The following SKIDA1 variants were observed in gnomAD, a reference collection of about 807,000 sequenced individuals.
SKIDA1 encodes the protein SKI/DACH domain containing 1, also known as SKI/DACH domain-containing protein 1.
A neutral mutation model predicts 51.4 loss-of-function variants in SKIDA1; 18 were observed. That is an observed-to-expected ratio of 0.35 (90% CI 0.24 to 0.52). SKIDA1 has a LOEUF of 0.52. Ranked by LOEUF, SKIDA1 falls within the 20% of genes least tolerant of loss-of-function variation. The pLI is 0.95. For missense variants in SKIDA1, 1,104 were observed against 1,180.6 expected (o/e 0.94, Z 0.95); for synonymous variants, 579 against 500.5 (o/e 1.16, Z -2.09).
rs1341354006 is a variant in SKIDA1 at position 21,525,604 on chromosome 10, A to T, written c.-2175T>A. On this transcript the variant is annotated 5_prime_UTR_variant, in exon 1 of 4. The change creates a new upstream start codon in the 5' untranslated region. Transcript: ENST00000449193. The stretch of plus-strand genomic sequence containing the variant: ...ATAGTCCTGGTTTGTAGTAGTGTCA[A>T]GAACCGCAGCAAGAGGAAGGGGAGG... 1 of 152,404 alleles carries T rather than the reference A, an allele frequency of 6.6e-6. No individual in the cohort carries two copies. The highest frequency in any genetic ancestry group is 1.5e-5 in the Non-Finnish European group (1 of 68,140). 9.4% of individuals were successfully genotyped at this position (152,404 alleles called of 1,614,324 possible).
intron 2 of SKIDA1, among the ~76,000 whole-genome samples, chr10:21,521,938 C>T (rs1316794917): frequency 6.6e-6 from 1 of 152,148 alleles, no homozygotes; most frequent in African/African-American, 2.4e-5. Flanking sequence ...GCTAGATTTA[C>T]CTTTAGATGC....
Position 21,515,828 on chromosome 10 carries a change from A to G in SKIDA1, c.1995T>C (p.Thr665=). The change falls in exon 4 of 4, where the codon ACT becomes ACC. Residue 665 remains threonine, a synonymous_variant. Transcript: ENST00000449193. The stretch of plus-strand genomic sequence containing the variant: ...TGTCAGTGCAGGGATTCTCGGCTTT[A>G]GTTGCTGCTGCTCCTGCAGCGTTCA... ...PEVNAAGAAA[T]KAENPCTDTG... 1 of 1,614,000 alleles carries G rather than the reference A, an allele frequency of 6.2e-7. No homozygotes were observed. Among genetic ancestry groups the G allele is most frequent in the Non-Finnish European group, 8.5e-7 (1 of 1,179,862 alleles).
Position 21,515,548 on chromosome 10 carries a change from A to G in SKIDA1, c.2275T>C (p.Cys759Arg). 1 of 1,614,028 alleles carries G rather than the reference A, an allele frequency of 6.2e-7. No individual in the cohort carries two copies. The highest frequency in any genetic ancestry group is 8.5e-7 in the Non-Finnish European group (1 of 1,179,900). The change falls in exon 4 of 4, where the codon TGC (cysteine) becomes CGC (arginine). Residue 759 changes from cysteine to arginine, a missense_variant. Cys to Arg is a radical substitution (Grantham distance 180). Transcript: ENST00000449193. ...NPLAQSQGLS[C>R]TLGSPKPEDG... ...TCAGGTTTTGGAGAACCTAAAGTGC[A>G]TGAAAGGCCCTGACTTTGAGCCAGT...
chr10:21,520,663 C>T (rs1277699826), intron 3 of SKIDA1, among the ~76,000 whole-genome samples: 2 of 149,114 alleles, frequency 1.3e-5, no homozygotes, highest in Non-Finnish European at 2.9e-5. Context: ...CTCTCTCTCT[C>T]TCCTAGTCCT....
chr10:21,521,058 G>GCACACACACACACACGCACACACA (rs1554772012), intron 3 of SKIDA1, among the ~76,000 whole-genome samples: 1 of 146,660 alleles, frequency 6.8e-6, no homozygotes, highest in Non-Finnish European at 1.5e-5. Context: ...ATGAGTGCAT[G>GCACACACACACACACGCACACACA]CACACACACA....
In SKIDA1 at chr10:21,514,982, A is replaced by G. The variant is rs1289851615; in HGVS notation, c.*114T>C. 8.1e-7 allele frequency: 1 copy of G among 1,242,154 alleles called. No homozygotes were observed. Among genetic ancestry groups the G allele is most frequent in the Non-Finnish European group, 1.0e-6 (1 of 989,064 alleles). 76.9% of individuals were successfully genotyped at this position (1,242,154 alleles called of 1,614,324 possible). ...CCGATTTCTGTCTTCAAAATGCGAT[A>G]AACCAGGACTCCAAAGGGGGTGTAA... On this transcript the variant is annotated 3_prime_UTR_variant, in exon 4 of 4. Transcript: ENST00000449193.
chr10:21,522,566 A>C (rs918575536), intron 2 of SKIDA1, among the ~76,000 whole-genome samples: 8 of 152,246 alleles, frequency 5.3e-5, no homozygotes, highest in Non-Finnish European at 1.2e-4. Context: ...AAGTTTATCT[A>C]ATATCACATC....
Position 21,516,897 on chromosome 10 carries a change from G to A in SKIDA1, c.926C>T (p.Ala309Val). ...GGCGGCCGCCGCCGCCGCTGCCGCC[G>A]CCGCCGCCGCCGCCGCCGCCTTGGC... ...YKAKAAAAAA[A>V]AAAAAAAAAG... Residue 309 changes from alanine to valine, a missense_variant, in exon 4 of 4, where the codon GCG (alanine) becomes GTG (valine). This residue lies in a region of SKIDA1 where 938 missense variants were observed against 886.4 expected (regional missense o/e 1.06). Transcript: ENST00000449193. The surrounding 1 kb of genome is among the most constrained non-coding windows in gnomAD (Gnocchi z 5.7). 3.4e-6 allele frequency: 4 copies of A among 1,176,410 alleles called. No homozygotes were observed. The highest frequency in any genetic ancestry group is 2.1e-6 in the Non-Finnish European group (2 of 957,388). 72.9% of individuals were successfully genotyped at this position (1,176,410 alleles called of 1,614,324 possible).
chr10:21,516,625 A>G lies in SKIDA1; in HGVS notation c.1198T>C (p.Ser400Pro). Reference sequence around the variant, plus strand: ...GAATTGCTGGAGCTGGACAAACTGGAGCCAAAATCCGAGTCGTTGGCCGCG... The same window carrying G: ...GAATTGCTGGAGCTGGACAAACTGGGGCCAAAATCCGAGTCGTTGGCCGCG... ...DHAANDSDFG[S>P]SLSSSSNSVS... Residue 400 changes from serine to proline, a missense_variant, in exon 4 of 4, where the codon TCC (serine) becomes CCC (proline). Around this residue, in one of 3 missense-constraint regions of SKIDA1, gnomAD observed 938 missense variants for 886.4 expected, o/e 1.06. Coordinates refer to ENST00000449193, the MANE Select transcript of SKIDA1 (RefSeq NM_207371.4). This position sits in a 1 kb window ranked among gnomAD's most constrained non-coding sequence, Gnocchi z 5.7. 6.4e-7 allele frequency: 1 copy of G among 1,551,348 alleles called. No individual in the cohort carries two copies. Among genetic ancestry groups the G allele is most frequent in the South Asian group, 1.2e-5 (1 of 84,018 alleles).
Position 21,525,676 on chromosome 10 carries a change from A to C in SKIDA1, c.-2247T>G, listed in dbSNP as rs546165623. 1 of 152,490 alleles carries C rather than the reference A, an allele frequency of 6.6e-6. No homozygotes were observed. Among genetic ancestry groups the C allele is most frequent in the East Asian group, 1.9e-4 (1 of 5,164 alleles). The allele number at this position is 152,490 out of a possible 1,614,324, so 9.4% of individuals were successfully genotyped here. On this transcript the variant is annotated 5_prime_UTR_variant, in exon 1 of 4. Transcript: ENST00000449193. ...ATTCAACCACCCCCACTTGTTGTTA[A>C]AGCAAATTTACTGCGTTATTGCAAG...
rs901329822 is a variant in SKIDA1 at position 21,513,509 on chromosome 10, C to G, written c.*1587G>C. ...ACAGTGTTTTTAATTGAAAATAAAG[C>G]TAAAGCATGCTTTTCAACAGTGCAA... On this transcript the variant is annotated 3_prime_UTR_variant, in exon 4 of 4. Transcript: ENST00000449193. 9 of 152,574 alleles carry G rather than the reference C, an allele frequency of 5.9e-5. No individual in the cohort carries two copies. The highest frequency in any genetic ancestry group is 1.7e-4 in the African/African-American group (7 of 41,434). The allele number at this position is 152,574 out of a possible 1,614,324, so 9.5% of individuals were successfully genotyped here.
rs2032301439 is a variant in SKIDA1, at chr10:21,518,281, TC to T, written c.-460del. The T allele has an allele frequency of 5.9e-6, 1 of 168,568 alleles. No individual in the cohort carries two copies. 10.4% of individuals were successfully genotyped at this position (168,568 alleles called of 1,614,324 possible). ...AATAAAATGACAGAGTGAAGTGAGC[TC>T]GTCCGGAGACACCTTCATCAATTAA... On this transcript the variant is annotated 5_prime_UTR_variant, in exon 4 of 4. It removes the in-frame stop codon of an upstream open reading frame in the 5' UTR. Transcript: ENST00000449193.
rs745927830 is a variant in SKIDA1, at chr10:21,516,875, GGCCGCCGCCGCCGCTGCCGCCGCCGCC to G, written c.921_947del (p.Ala310_Ala318del). On this transcript the variant is annotated inframe_deletion, in exon 4 of 4. Coordinates refer to ENST00000449193, the MANE Select transcript of SKIDA1 (RefSeq NM_207371.4). The surrounding 1 kb of genome is among the most constrained non-coding windows in gnomAD (Gnocchi z 5.7). Reference sequence around the variant, plus strand: ...TCTCCAGGCAAGTGGCCCCCGCGGCGGCCGCCGCCGCCGCTGCCGCCGCCGCCGCCGCCGCCGCCGCCTTGGCTTTGT... The same window carrying G: ...TCTCCAGGCAAGTGGCCCCCGCGGCGGCCGCCGCCGCCGCCTTGGCTTTGT... The G allele has an allele frequency of 8.7e-5, 112 of 1,291,294 alleles. 7 individuals carry two copies. The highest frequency in any genetic ancestry group is 2.1e-4 in the South Asian group (7 of 33,188). The allele number at this position is 1,291,294 out of a possible 1,614,324, so 80.0% of individuals were successfully genotyped here.
chr10:21,515,574 G>C lies in SKIDA1; in HGVS notation c.2249C>G (p.Pro750Arg), dbSNP rs200339261. The change falls in exon 4 of 4, where the codon CCA (proline) becomes CGA (arginine). Residue 750 changes from proline to arginine, a missense_variant. By Grantham distance (103) the Pro-to-Arg change is moderately radical. Transcript: ENST00000449193. ...CPEKETPSLN[P>R]LAQSQGLSCT... ...TGAAAGGCCCTGACTTTGAGCCAGT[G>C]GATTTAAGGAAGGAGTTTCTTTTTC... 433 of 1,613,856 alleles carry C rather than the reference G, an allele frequency of 2.7e-4. No homozygotes were observed. The highest frequency in any genetic ancestry group is 3.6e-4 in the Non-Finnish European group (419 of 1,179,904).
At position 21,517,853 on chromosome 10, in the gene SKIDA1, A is replaced by C; in HGVS notation, c.-31T>G. On this transcript the variant is annotated 5_prime_UTR_variant, in exon 4 of 4. Transcript: ENST00000449193. This position sits in a 1 kb window ranked among gnomAD's most constrained non-coding sequence, Gnocchi z 6.9. ...GCACTAAATGATCCCCACCATTTGC[A>C]GTAAATATATACGTGACGCATACAT... The C allele has an allele frequency of 1.3e-6, 2 of 1,567,260 alleles. No individual in the cohort carries two copies. The highest frequency in any genetic ancestry group is 1.7e-6 in the Non-Finnish European group (2 of 1,151,808).
In SKIDA1 at chr10:21,517,918, G is replaced by C; in HGVS notation, c.-96C>G. On this transcript the variant is annotated 5_prime_UTR_variant, in exon 4 of 4. Transcript: ENST00000449193. The surrounding 1 kb of genome is among the most constrained non-coding windows in gnomAD (Gnocchi z 6.9). Reference sequence around the variant, plus strand: ...GTTAATCCTCAGCCAGATGCTGCGTGTGTCTCAAGGCATCCTGCTAATAAA... The same window carrying C: ...GTTAATCCTCAGCCAGATGCTGCGTCTGTCTCAAGGCATCCTGCTAATAAA... The C allele has an allele frequency of 1.8e-6, 2 of 1,102,332 alleles. No individual in the cohort carries two copies. The highest frequency in any genetic ancestry group is 4.0e-5 in the South Asian group (2 of 49,882). 68.3% of individuals were successfully genotyped at this position (1,102,332 alleles called of 1,614,324 possible).
rs942557063 is a variant in SKIDA1 at position 21,513,535 on chromosome 10, A to G, written c.*1561T>C. On this transcript the variant is annotated 3_prime_UTR_variant, in exon 4 of 4. Coordinates refer to ENST00000449193, the MANE Select transcript of SKIDA1 (RefSeq NM_207371.4). Reference sequence around the variant, plus strand: ...TAAAGCATGCTTTTCAACAGTGCAAATTTCCATAATTTTGATTTACTGCTT... The same window carrying G: ...TAAAGCATGCTTTTCAACAGTGCAAGTTTCCATAATTTTGATTTACTGCTT... 2 of 152,610 alleles carry G rather than the reference A, an allele frequency of 1.3e-5. No homozygotes were observed. Among genetic ancestry groups the G allele is most frequent in the African/African-American group, 4.8e-5 (2 of 41,438 alleles). The allele number at this position is 152,610 out of a possible 1,614,324, so 9.5% of individuals were successfully genotyped here.
chr10:21,520,243 T>C (rs959517345), intron 3 of SKIDA1, among the ~76,000 whole-genome samples: 3 of 152,032 alleles, frequency 2.0e-5, no homozygotes, highest in Admixed American at 6.6e-5. Flanking sequence ...ATCCAGCGAG[T>C]TGGCTTTCTT....
At position 21,515,201 on chromosome 10, in the gene SKIDA1, C is replaced by G; in HGVS notation, c.2622G>C (p.Lys874Asn). Residue 874 changes from lysine to asparagine, a missense_variant, in exon 4 of 4, where the codon AAG becomes AAC. Around this residue, in one of 3 missense-constraint regions of SKIDA1, gnomAD observed 112 missense variants for 168.3 expected, o/e 0.67. Transcript: ENST00000449193. ...GGGCCTTGTGAGGAGTTTGAGAATC[C>G]TTAGTGGTGTTTAAGGAATACGCCG... ...LWPAYSLNTTKDSQTPHKAHP... is the reference protein window; with the variant it reads ...LWPAYSLNTTNDSQTPHKAHP... The G allele has an allele frequency of 6.2e-7, 1 of 1,613,810 alleles. No individual in the cohort carries two copies. Among genetic ancestry groups the G allele is most frequent in the Middle Eastern group, 1.6e-4 (1 of 6,062 alleles).
Sources: gnomAD v4.1 joint callset for allele counts (sites outside exome capture counted in the v4.1 genomes callset) on GRCh38, gnomAD v4.1.1 for gene constraint, gnomAD v4.1.1 regional missense constraint, Gnocchi (gnomAD v3.1) non-coding constraint, MANE v1.5 for transcripts, NCBI Gene and HGNC (gene_info 2026-07-23, HGNC 2026-07-21) for gene names.